Variants in SNX25 observed in about 807,000 individuals in gnomAD.
SNX25 encodes the protein sorting nexin 25, also known as sorting nexin-25.
In SNX25, 62 loss-of-function variants were observed where a neutral mutation model predicts 113.7. The ratio of observed to expected loss-of-function variants is 0.55; its 90% CI spans 0.44 to 0.67. SNX25 has a LOEUF of 0.67. Among genes scored for constraint, SNX25 ranks in the 30% least tolerant of loss-of-function variants. The pLI is 0.00. For synonymous variants in SNX25, 421 were observed against 436.2 expected, an observed-to-expected ratio of 0.97 and a Z score of 0.43; for missense variants, 1,014 against 1,161.0, an observed-to-expected ratio of 0.87 and a Z score of 1.84.
intron 2 of SNX25, among the ~76,000 whole-genome samples, chr4:185,251,692 T>C (rs1745686821): frequency 6.6e-6 from 1 of 151,978 alleles, no homozygotes; most frequent in Non-Finnish European, 1.5e-5. Flanking sequence ...GCTTTCCACC[T>C]TTTGGCTATT....
Position 185,209,857 on chromosome 4 carries a change from G to A in SNX25, c.31G>A (p.Ala11Thr). Residue 11 changes from alanine (A) to threonine (T), a missense_variant, in exon 1 of 19, where the codon GCC (alanine) becomes ACC (threonine). Coordinates refer to ENST00000652585, the MANE Select transcript of SNX25 (RefSeq NM_001378034.2). This position sits in a 1 kb window ranked among gnomAD's most constrained non-coding sequence, Gnocchi z 5.2. ...CCCCGATGCGACCGACAGTGGCGGCGCCGGCCCCAGCCCCGCGCGGGCCGC... is the reference window on the plus strand; with the variant it reads ...CCCCGATGCGACCGACAGTGGCGGCACCGGCCCCAGCCCCGCGCGGGCCGC... MHPDATDSGG[A>T]GPSPARAAGA... The A allele has an allele frequency of 2.0e-6, 2 of 983,294 alleles. No homozygotes were observed. Among genetic ancestry groups the A allele is most frequent in the Non-Finnish European group, 2.4e-6 (2 of 829,154 alleles). 60.9% of individuals were successfully genotyped at this position (983,294 alleles called of 1,614,324 possible). A position where few individuals can be genotyped will look rare whatever the true frequency, so the allele number is the denominator to read the frequency against.
upstream of SNX25, among the ~76,000 whole-genome samples, chr4:185,207,066 T>C (rs1236936958): frequency 1.3e-5 from 2 of 152,056 alleles, no homozygotes; most frequent in African/African-American, 4.8e-5. Flanking sequence ...GATTGGACGG[T>C]TGCCCACATC....
intron 2 of SNX25, 130 bp downstream of exon 2, chr4:185,247,508 T>C (rs1745030224): frequency 2.7e-6 from 2 of 734,084 alleles, no homozygotes; most frequent in Non-Finnish European, 4.7e-6. Context: ...TCTTCATGAG[T>C]TTGTATTTGA....
At chr4:185,350,259 A>G (rs1354751428) in intron 13 of SNX25, among the ~76,000 whole-genome samples, 6 of 152,218 alleles carry the variant, frequency 3.9e-5, no homozygotes, top group African/African-American at 7.2e-5. Context: ...TGTTGCCATC[A>G]TGGACCAACC....
intron 1 of SNX25, among the ~76,000 whole-genome samples, chr4:185,235,867 G>A (rs1226814620): frequency 2.0e-5 from 3 of 152,234 alleles, no homozygotes; most frequent in Non-Finnish European, 4.4e-5. Context: ...AGGGATGAAA[G>A]GAATATGCAG....
intron 5 of SNX25, among the ~76,000 whole-genome samples, chr4:185,284,400 A>G (rs974412541): frequency 8.5e-5 from 13 of 152,308 alleles, no homozygotes; most frequent in South Asian, 2.1e-4. Context: ...TTCAGAGAAG[A>G]CAGATATTGG....
intron 16 of SNX25, among the ~76,000 whole-genome samples, chr4:185,361,508 C>T (rs374247233): frequency 6.6e-6 from 1 of 152,152 alleles, no homozygotes; most frequent in Non-Finnish European, 1.5e-5. Flanking sequence ...GAGGCTGAGG[C>T]GGGTGGATCA....
rs558951086 is a variant in SNX25 at position 185,219,091 on chromosome 4, T to G, written c.429+8836T>G. On this transcript the variant is annotated intron_variant, in intron 1 of 18. Coordinates refer to ENST00000652585, the MANE Select transcript of SNX25 (RefSeq NM_001378034.2). ...AGAGGTCCCTGTGCTATGCCGCCAC[T>G]GCCAGTCTGTGAGAAAGACGTTCCC... Among the ~76,000 whole-genome samples, 3 of 152,266 alleles carry G rather than the reference T, an allele frequency of 2.0e-5. No homozygotes were observed. In the East Asian group the frequency reaches 5.8e-4, roughly 29 times the overall value.
At chr4:185,242,059 C>T (rs768554800) in intron 1 of SNX25, among the ~76,000 whole-genome samples, 13 of 131,302 alleles carry the variant, frequency 9.9e-5, no homozygotes, top group Non-Finnish European at 1.8e-4. Context: ...GGATTCTACC[C>T]TTTTGACCTG....
intron 1 of SNX25, among the ~76,000 whole-genome samples, chr4:185,224,682 A>G (rs2126374636): frequency 6.7e-6 from 1 of 148,606 alleles, no homozygotes; most frequent in Non-Finnish European, 1.5e-5. Flanking sequence ...TATATAAATA[A>G]TTATGAATTC....
chr4:185,378,032 G>T, the SNX25 span: 1 of 1,432,782 alleles, frequency 7.0e-7, no homozygotes, highest in Non-Finnish European at 9.7e-7. Context: ...CATGCAAAAT[G>T]AACTGTTAAA....
chr4:185,252,895 A>G (rs533897003), intron 2 of SNX25, among the ~76,000 whole-genome samples: 47 of 152,350 alleles, frequency 3.1e-4, no homozygotes, highest in Non-Finnish European at 6.0e-4. Context: ...ATCAAAGCAT[A>G]TGACTGCTCT....
intron 7 of SNX25, among the ~76,000 whole-genome samples, chr4:185,315,442 C>T (rs1378367152): frequency 6.6e-6 from 1 of 151,676 alleles, no homozygotes; most frequent in Non-Finnish European, 1.5e-5. Context: ...TACAGGCGTG[C>T]ACCACCACGC....
intron 1 of SNX25, among the ~76,000 whole-genome samples, chr4:185,222,859 T>G (rs2126359259): frequency 6.6e-6 from 1 of 152,338 alleles, no homozygotes; most frequent in South Asian, 2.1e-4. Flanking sequence ...GCAGCTTGCT[T>G]AAGGGAGAAG....
intron 2 of SNX25, among the ~76,000 whole-genome samples, chr4:185,253,218 G>C (rs1327775420): frequency 2.0e-5 from 3 of 152,116 alleles, no homozygotes; most frequent in Admixed American, 2.0e-4. Flanking sequence ...TTGTTCAGTG[G>C]TGTGTTCAAT....
At chr4:185,375,835 G>A in the SNX25 span, 5 of 568,460 alleles carry the variant, frequency 8.8e-6, no homozygotes, top group South Asian at 9.7e-5. Flanking sequence ...CAGTTAACAA[G>A]CAATGCAGCC....
chr4:185,295,887 A>G (rs1289078710), intron 6 of SNX25: 2 of 152,196 alleles, frequency 1.3e-5, no homozygotes, highest in Non-Finnish European at 2.9e-5. Flanking sequence ...CTGAAACCTT[A>G]AGGGGTTAAC....
At chr4:185,290,599 T>C (rs1307597005) in intron 6 of SNX25, among the ~76,000 whole-genome samples, 1 of 152,182 alleles carries the variant, frequency 6.6e-6, no homozygotes, top group Non-Finnish European at 1.5e-5. Flanking sequence ...TCTTACGTGC[T>C]TTGTGCTTAA....
chr4:185,215,063 T>C (rs1001921715), intron 1 of SNX25, among the ~76,000 whole-genome samples: 2 of 152,100 alleles, frequency 1.3e-5, no homozygotes, highest in Admixed American at 1.3e-4. Context: ...ACCCCGTCTC[T>C]ACTGAAAATA....
Sources: allele counts gnomAD v4.1 joint callset (sites outside exome capture counted in the v4.1 genomes callset), GRCh38; gene constraint gnomAD v4.1.1; non-coding constraint Gnocchi (gnomAD v3.1); transcripts MANE v1.5; gene names NCBI Gene and HGNC (gene_info 2026-07-23, HGNC 2026-07-21).